The following HSPA12A variants were observed in gnomAD, a reference collection of about 807,000 sequenced individuals.
HSPA12A encodes the protein heat shock 70 kDa protein 12A.
Under a neutral mutation model 69.2 loss-of-function variants are expected in HSPA12A, and 28 were observed. The ratio of observed to expected loss-of-function variants is 0.40; its 90% CI spans 0.30 to 0.55. The LOEUF is 0.55. Among genes scored for constraint, HSPA12A ranks in the 20% least tolerant of loss-of-function variants. The probability of loss-of-function intolerance (pLI) is 0.38; values close to 1 mark genes in which losing one functional copy is unlikely to be tolerated. For synonymous variants in HSPA12A, 345 were observed against 370.5 expected (o/e 0.93, Z 0.79); for missense variants, 686 against 900.7 (o/e 0.76, Z 3.05).
At chr10:116,685,630 C>T (rs1177684861) in intron 6 of HSPA12A, among the ~76,000 whole-genome samples, 1 of 145,702 alleles carries the variant, frequency 6.9e-6, no homozygotes, top group African/African-American at 2.5e-5. Context: ...AGTGAAACTC[C>T]ATCTCAAGAA....
chr10:116,793,470 G>T lies in HSPA12A; in HGVS notation c.91+41465C>A, dbSNP rs911468909. 1.4e-4 allele frequency among the ~76,000 whole-genome samples: 22 copies of T among 152,258 alleles called. 1 individual carries two copies. Among genetic ancestry groups the T allele is most frequent in the African/African-American group, 5.3e-4 (22 of 41,564 alleles). On this transcript the variant is annotated intron_variant, in intron 2 of 12. Coordinates refer to the HSPA12A transcript ENST00000635765. Reference sequence around the variant, plus strand: ...CCTGTAGTACCAGCTATTCAGGAAGGTGGGGTGGGAGGACTGCTTGAACCT... The same window carrying T: ...CCTGTAGTACCAGCTATTCAGGAAGTTGGGGTGGGAGGACTGCTTGAACCT...
At chr10:116,794,063 C>T (rs917689831) in intron 2 of HSPA12A, among the ~76,000 whole-genome samples, 2 of 151,798 alleles carry the variant, frequency 1.3e-5, no homozygotes, top group East Asian at 1.9e-4. Context: ...ATTAGCCAGG[C>T]GTGGTGGTGG....
chr10:116,774,638 C>T (rs1477737510), intron 2 of HSPA12A, among the ~76,000 whole-genome samples: 1 of 152,156 alleles, frequency 6.6e-6, no homozygotes, highest in Non-Finnish European at 1.5e-5. Flanking sequence ...AGTTCATGGC[C>T]CAGATCCATC....
intron 1 of HSPA12A, among the ~76,000 whole-genome samples, chr10:116,718,866 T>G (rs1554884078): frequency 6.6e-6 from 1 of 151,850 alleles, no homozygotes; most frequent in South Asian, 2.1e-4. Context: ...ACCACTTAAC[T>G]GAGTTCTAGA....
At chr10:116,742,698 G>T (rs1419804558), upstream of HSPA12A, 4 of 717,470 alleles carry the variant, frequency 5.6e-6, no homozygotes, top group African/African-American at 7.7e-5. Context: ...GGTCGGGGAA[G>T]GCGGGCGCGG....
chr10:116,736,333 G>A (rs1366990259), intron 1 of HSPA12A, among the ~76,000 whole-genome samples: 7 of 152,216 alleles, frequency 4.6e-5, no homozygotes, highest in African/African-American at 1.2e-4. Context: ...TGTACAACAC[G>A]GAGGAGGAGT....
chr10:116,722,110 C>T (rs996859875), intron 1 of HSPA12A, among the ~76,000 whole-genome samples: 3 of 152,258 alleles, frequency 2.0e-5, no homozygotes, highest in African/African-American at 7.2e-5. Flanking sequence ...CGCAGGCCTG[C>T]CTGCTTCATT....
At chr10:116,835,142 G>C (rs1845687030) in intron 1 of HSPA12A, 2 of 494,012 alleles carry the variant, frequency 4.0e-6, no homozygotes. Context: ...CAGGAGGGAA[G>C]CAAAGATTTA....
At chr10:116,803,599 C>T (rs914718943) in intron 2 of HSPA12A, among the ~76,000 whole-genome samples, 2 of 152,174 alleles carry the variant, frequency 1.3e-5, no homozygotes, top group South Asian at 2.1e-4. Flanking sequence ...CTGGGAGATG[C>T]GCTCTTCCAC....
intron 2 of HSPA12A, among the ~76,000 whole-genome samples, chr10:116,779,742 G>A (rs1180581123): frequency 6.6e-6 from 1 of 152,146 alleles, no homozygotes; most frequent in Non-Finnish European, 1.5e-5. Flanking sequence ...ACCGAATAAC[G>A]CTGGGCATGT....
intron 2 of HSPA12A, among the ~76,000 whole-genome samples, chr10:116,798,063 G>GCA (rs55738014): frequency 6.6e-6 from 1 of 151,750 alleles, no homozygotes; most frequent in East Asian, 1.9e-4. Flanking sequence ...GAGAGGCAGG[G>GCA]GCTGGGACCA....
chr10:116,759,409 C>A (rs1183650613), intron 2 of HSPA12A, among the ~76,000 whole-genome samples: 1 of 152,066 alleles, frequency 6.6e-6, no homozygotes, highest in Admixed American at 6.6e-5. Flanking sequence ...TCTCAGAATC[C>A]CCTCAGCCAA....
At chr10:116,754,280 A>G (rs1372108684) in intron 2 of HSPA12A, among the ~76,000 whole-genome samples, 2 of 152,226 alleles carry the variant, frequency 1.3e-5, no homozygotes, top group Non-Finnish European at 2.9e-5. Context: ...GCTCACTGCG[A>G]GGATGGAAAG....
At chr10:116,800,471 G>A (rs1321321773) in intron 2 of HSPA12A, among the ~76,000 whole-genome samples, 3 of 152,168 alleles carry the variant, frequency 2.0e-5, no homozygotes, top group Admixed American at 2.0e-4. Flanking sequence ...AGGGGTCTCA[G>A]CTCTCCCCGA....
At chr10:116,753,522 A>G (rs567383173) in intron 2 of HSPA12A, among the ~76,000 whole-genome samples, 26 of 152,172 alleles carry the variant, frequency 1.7e-4, no homozygotes, top group Non-Finnish European at 2.5e-4. Flanking sequence ...GACAAAAATC[A>G]TACTTATTCT....
At chr10:116,774,691 C>A (rs1844293669) in intron 2 of HSPA12A, among the ~76,000 whole-genome samples, 1 of 152,168 alleles carries the variant, frequency 6.6e-6, no homozygotes, top group Non-Finnish European at 1.5e-5. Context: ...GAGAGGGAGG[C>A]CTTCTGTGCA....
At chr10:116,846,336 T>G (rs530019051) in intron 1 of HSPA12A, among the ~76,000 whole-genome samples, 5 of 151,536 alleles carry the variant, frequency 3.3e-5, no homozygotes, top group South Asian at 2.1e-4. Flanking sequence ...CTTTTCTTTT[T>G]TTTTTTTGTT....
chr10:116,755,887 A>G (rs1843835596), intron 2 of HSPA12A, among the ~76,000 whole-genome samples: 1 of 151,510 alleles, frequency 6.6e-6, no homozygotes, highest in Non-Finnish European at 1.5e-5. Context: ...TCTACTTGGG[A>G]GGCTGAAGTG....
chr10:116,731,401 C>T (rs1309767582), intron 1 of HSPA12A, among the ~76,000 whole-genome samples: 1 of 152,098 alleles, frequency 6.6e-6, no homozygotes, highest in African/African-American at 2.4e-5. Flanking sequence ...AACTGCCGGC[C>T]CCAGGGAAAC....
Sources: allele counts gnomAD v4.1 joint callset (sites outside exome capture counted in the v4.1 genomes callset), GRCh38; gene constraint gnomAD v4.1.1; transcripts MANE v1.5; gene names NCBI Gene and HGNC (gene_info 2026-07-23, HGNC 2026-07-21).